Variants in SV2C observed in about 807,000 individuals in gnomAD.
SV2C encodes solute carrier family 22 member B3.
In SV2C, 49 loss-of-function variants were observed where a neutral mutation model predicts 79.7. The observed-to-expected ratio is 0.61, with a 90% CI of 0.49 to 0.78. The LOEUF is 0.78. Ranked by LOEUF, SV2C falls within the 30% of genes least tolerant of loss-of-function variation. The probability of loss-of-function intolerance (pLI) is 0.00; values close to 1 mark genes in which losing one functional copy is unlikely to be tolerated. For synonymous variants in SV2C, 334 were observed against 333.2 expected, an observed-to-expected ratio of 1.00 and a Z score of -0.03; for missense variants, 833 against 912.9, an observed-to-expected ratio of 0.91 and a Z score of 1.13.
At chr5:76,196,432 C>T (rs907040417) in intron 3 of SV2C, among the ~76,000 whole-genome samples, 3 of 152,108 alleles carry the variant, frequency 2.0e-5, no homozygotes, top group Non-Finnish European at 2.9e-5. Flanking sequence ...ACAGGGGAGC[C>T]CCTTGGTGCT....
the SV2C span, among the ~76,000 whole-genome samples, chr5:75,888,646 A>G: frequency 6.6e-6 from 1 of 151,936 alleles, no homozygotes; most frequent in African/African-American, 2.4e-5. Context: ...TTCTCTACCA[A>G]CTTCATCTAA....
At chr5:76,098,510 CATT>C (rs34204558) in intron 1 of SV2C, among the ~76,000 whole-genome samples, 1 of 152,202 alleles carries the variant, frequency 6.6e-6, no homozygotes, top group African/African-American at 2.4e-5. Flanking sequence ...ATGCAGAAGA[CATT>C]GTTGTCGGGG....
the SV2C span, among the ~76,000 whole-genome samples, chr5:76,048,813 GA>G: frequency 0.29 from 36,016 of 122,352 alleles, 5,659 homozygotes; most frequent in South Asian, 0.38. Flanking sequence ...TCCAGATTGT[GA>G]AAAAAAAAAA....
chr5:76,195,021 A>C lies in SV2C; in HGVS notation c.683A>C (p.Asn228Thr). 7 of 1,614,148 alleles carry C rather than the reference A, an allele frequency of 4.3e-6. No individual in the cohort carries two copies. Among genetic ancestry groups the C allele is most frequent in the Non-Finnish European group, 5.1e-6 (6 of 1,179,980 alleles). ...KQSLLICMSV[N>T]GFFAFLSSFV... Reference sequence around the variant, plus strand: ...TCTCTTCTGATTTGCATGTCTGTCAACGGATTCTTTGCCTTCCTTTCTTCA... The same window carrying C: ...TCTCTTCTGATTTGCATGTCTGTCACCGGATTCTTTGCCTTCCTTTCTTCA... The change falls in exon 3 of 13, where the codon AAC (asparagine) becomes ACC (threonine). Residue 228 changes from asparagine (N) to threonine (T), a missense_variant. Coordinates refer to ENST00000502798, the MANE Select transcript of SV2C (RefSeq NM_014979.4).
the SV2C span, among the ~76,000 whole-genome samples, chr5:75,879,210 G>T: frequency 1.3e-5 from 2 of 152,150 alleles, no homozygotes; most frequent in Non-Finnish European, 1.5e-5. Flanking sequence ...ATATCATTCT[G>T]CCCCAGGCCC....
intron 3 of SV2C, among the ~76,000 whole-genome samples, chr5:76,201,480 T>A (rs1471481734): frequency 6.6e-6 from 1 of 152,208 alleles, no homozygotes; most frequent in Non-Finnish European, 1.5e-5. Flanking sequence ...TGTCTGTATA[T>A]CGTAAATGAA....
intron 12 of SV2C, among the ~76,000 whole-genome samples, chr5:76,307,787 C>T (rs1748252533): frequency 6.6e-6 from 1 of 152,116 alleles, no homozygotes; most frequent in African/African-American, 2.4e-5. Flanking sequence ...TGCTGTTGAG[C>T]CCAACCACTA....
intron 2 of SV2C, among the ~76,000 whole-genome samples, chr5:76,159,436 A>G (rs1742835333): frequency 6.6e-6 from 1 of 152,132 alleles, no homozygotes; most frequent in Non-Finnish European, 1.5e-5. Flanking sequence ...CAAGTACATT[A>G]GATTCCTGGG....
At chr5:76,282,274 A>G (rs546057308) in intron 4 of SV2C, among the ~76,000 whole-genome samples, 7 of 152,378 alleles carry the variant, frequency 4.6e-5, no homozygotes, top group Admixed American at 3.9e-4. Flanking sequence ...GCAAATTGCA[A>G]TGGGAAGGAG....
chr5:76,234,452 T>C (rs2112406734), intron 4 of SV2C, among the ~76,000 whole-genome samples: 1 of 152,352 alleles, frequency 6.6e-6, no homozygotes, highest in East Asian at 1.9e-4. Flanking sequence ...GCAAGTTTTC[T>C]TAGAGGAAAG....
the SV2C span, among the ~76,000 whole-genome samples, chr5:75,995,731 C>T: frequency 6.6e-6 from 1 of 152,094 alleles, no homozygotes; most frequent in Admixed American, 6.5e-5. Context: ...GAGCTCATAT[C>T]TGGCTCCAAC....
At chr5:75,980,063 A>G in the SV2C span, among the ~76,000 whole-genome samples, 15 of 152,302 alleles carry the variant, frequency 9.8e-5, no homozygotes, top group South Asian at 2.7e-3. Flanking sequence ...ACAGAAATAC[A>G]CACAATCAGA....
the SV2C span, among the ~76,000 whole-genome samples, chr5:76,013,876 A>G: frequency 2.6e-5 from 4 of 152,168 alleles, no homozygotes; most frequent in Non-Finnish European, 5.9e-5. Flanking sequence ...TGCGAGAAAC[A>G]AAGTGCAACT....
chr5:76,149,901 T>TA (rs1375076409), intron 2 of SV2C, among the ~76,000 whole-genome samples: 1 of 152,230 alleles, frequency 6.6e-6, no homozygotes, highest in African/African-American at 2.4e-5. Flanking sequence ...GTCATGGTGA[T>TA]AGAGTTATAA....
intron 2 of SV2C, among the ~76,000 whole-genome samples, chr5:76,168,820 C>G (rs1743125468): frequency 6.6e-6 from 1 of 152,174 alleles, no homozygotes; most frequent in Admixed American, 6.5e-5. Flanking sequence ...GCCAGCGACA[C>G]TTTTAACCCC....
chr5:76,339,122 A>AT (rs952927786), intron 12 of SV2C, among the ~76,000 whole-genome samples: 1 of 152,202 alleles, frequency 6.6e-6, no homozygotes, highest in African/African-American at 2.4e-5. Flanking sequence ...ATAATACAAA[A>AT]TTACAAACAC....
At chr5:76,069,664 A>T in the SV2C span, among the ~76,000 whole-genome samples, 1 of 152,186 alleles carries the variant, frequency 6.6e-6, no homozygotes, top group Non-Finnish European at 1.5e-5. Flanking sequence ...GCAGAGCCTG[A>T]AAAGATGCTT....
chr5:75,903,109 A>C, the SV2C span, among the ~76,000 whole-genome samples: 1 of 152,236 alleles, frequency 6.6e-6, no homozygotes, highest in Non-Finnish European at 1.5e-5. Flanking sequence ...GTGAACAGCT[A>C]TTAAGGAAGA....
At chr5:75,858,036 G>A in the SV2C span, among the ~76,000 whole-genome samples, 4 of 152,080 alleles carry the variant, frequency 2.6e-5, no homozygotes, top group Non-Finnish European at 2.9e-5. Context: ...ATATAAGATC[G>A]AATCATCTGC....
Sources: allele counts gnomAD v4.1 joint callset (sites outside exome capture counted in the v4.1 genomes callset), GRCh38; gene constraint gnomAD v4.1.1; transcripts MANE v1.5; gene names NCBI Gene and HGNC (gene_info 2026-07-23, HGNC 2026-07-21).